EFHD1: variants seen among roughly 807,000 people sequenced by gnomAD.
EFHD1 encodes the protein EF-hand domain-containing protein D1.
A neutral mutation model predicts 17.2 loss-of-function variants in EFHD1; 10 were observed. That is an observed-to-expected ratio of 0.58 (90% CI 0.36 to 0.99). The LOEUF (loss-of-function observed/expected upper bound fraction) is 0.99. Among genes scored for constraint, EFHD1 ranks in the 50% least tolerant of loss-of-function variants. The probability of loss-of-function intolerance (pLI) is 0.01; values close to 1 mark genes in which losing one functional copy is unlikely to be tolerated. For missense variants in EFHD1, 310 were observed against 327.5 expected (o/e 0.95, Z 0.41); for synonymous variants, 153 against 142.0 (o/e 1.08, Z -0.55).
At chr2:232,617,707 A>G (rs1301291916) in intron 1 of EFHD1, among the ~76,000 whole-genome samples, 1 of 150,806 alleles carries the variant, frequency 6.6e-6, no homozygotes, top group African/African-American at 2.4e-5. Flanking sequence ...TCATGCCTGT[A>G]ATCCCAGCAC....
intron 3 of EFHD1, among the ~76,000 whole-genome samples, chr2:232,674,143 G>A (rs576297179): frequency 9.2e-5 from 14 of 152,246 alleles, no homozygotes; most frequent in Middle Eastern, 3.4e-3. Flanking sequence ...TCCTGACCTC[G>A]TGATCTGCCT....
At chr2:232,651,836 A>C (rs1175215404) in intron 1 of EFHD1, among the ~76,000 whole-genome samples, 1 of 130,740 alleles carries the variant, frequency 7.6e-6, no homozygotes, top group East Asian at 2.1e-4. Flanking sequence ...AACAAACAAA[A>C]CAAATACCTA....
upstream of EFHD1, among the ~76,000 whole-genome samples, chr2:232,630,359 C>T (rs1694180963): frequency 6.6e-6 from 1 of 152,206 alleles, no homozygotes; most frequent in African/African-American, 2.4e-5. Context: ...GGAATTGTCA[C>T]TAGTGAGATA....
At chr2:232,609,220 C>T (rs903706326) in intron 1 of EFHD1, among the ~76,000 whole-genome samples, 2 of 151,510 alleles carry the variant, frequency 1.3e-5, no homozygotes, top group Non-Finnish European at 2.9e-5. Context: ...CCACCATGCC[C>T]GGCTAATTTT....
At chr2:232,625,168 G>A (rs778489839) in intron 1 of EFHD1, among the ~76,000 whole-genome samples, 4 of 152,030 alleles carry the variant, frequency 2.6e-5, no homozygotes, top group Non-Finnish European at 5.9e-5. Flanking sequence ...TCACTCTGTC[G>A]CCCAGGCTGG....
intron 1 of EFHD1, among the ~76,000 whole-genome samples, chr2:232,650,481 A>G (rs1694625728): frequency 6.7e-6 from 1 of 148,336 alleles, no homozygotes; most frequent in African/African-American, 2.5e-5. Flanking sequence ...TTTAGTAGAG[A>G]CAGGGTTTCA....
chr2:232,672,327 A>G lies in EFHD1; in HGVS notation c.469A>G (p.Lys157Glu). The change falls in exon 3 of 4, where the codon AAG (lysine) becomes GAG (glutamate). Residue 157 changes from lysine to glutamate, a missense_variant. Coordinates refer to ENST00000264059, the MANE Select transcript of EFHD1 (RefSeq NM_025202.4). The part of the protein sequence containing the change: ...SFREFLLIFH[K>E]AAAGELQEDS... ...CCTGTAGTTCCTGCTCATTTTCCAC[A>G]AGGCCGCGGCAGGGGAGCTGCAGGA... The G allele has an allele frequency of 1.2e-6, 2 of 1,614,128 alleles. No homozygotes were observed. The highest frequency in any genetic ancestry group is 1.7e-6 in the Non-Finnish European group (2 of 1,180,002).
intron 1 of EFHD1, among the ~76,000 whole-genome samples, chr2:232,635,293 C>T (rs1382932899): frequency 6.6e-6 from 1 of 152,230 alleles, no homozygotes; most frequent in Admixed American, 6.5e-5. Flanking sequence ...GCTCCCAGAC[C>T]CCACCAGTTC....
At chr2:232,632,992 AG>A (rs1258288186), upstream of EFHD1, among the ~76,000 whole-genome samples, 1 of 152,202 alleles carries the variant, frequency 6.6e-6, no homozygotes, top group Non-Finnish European at 1.5e-5. Flanking sequence ...TCCTGCCTCT[AG>A]GGAAAACGGG....
chr2:232,655,897 C>G (rs958653416), intron 1 of EFHD1, among the ~76,000 whole-genome samples: 1 of 151,534 alleles, frequency 6.6e-6, no homozygotes, highest in Admixed American at 6.6e-5. Context: ...AGCTCCGCCT[C>G]CTGGGTTCAC....
intron 1 of EFHD1, among the ~76,000 whole-genome samples, chr2:232,646,743 G>A (rs566704060): frequency 2.3e-4 from 35 of 152,230 alleles, no homozygotes; most frequent in Admixed American, 5.2e-4. Flanking sequence ...CACTGTGCCC[G>A]GCCGGTTATT....
At chr2:232,631,286 T>G (rs969557320), upstream of EFHD1, among the ~76,000 whole-genome samples, 3 of 148,018 alleles carry the variant, frequency 2.0e-5, no homozygotes, top group Non-Finnish European at 4.5e-5. Flanking sequence ...CTCTCTTTCT[T>G]TCTCTCTCTC....
intron 3 of EFHD1, among the ~76,000 whole-genome samples, chr2:232,680,859 C>G (rs1240190285): frequency 6.6e-6 from 1 of 150,982 alleles, no homozygotes; most frequent in Non-Finnish European, 1.5e-5. Flanking sequence ...CAGATGGATG[C>G]AATTCCAATA....
chr2:232,627,061 T>C (rs1446796461), intron 1 of EFHD1, among the ~76,000 whole-genome samples: 2 of 115,140 alleles, frequency 1.7e-5, no homozygotes, highest in African/African-American at 6.7e-5. Flanking sequence ...TATATATATA[T>C]ATATTTTTTT....
At chr2:232,642,243 T>TGTG (rs1466142936) in intron 1 of EFHD1, among the ~76,000 whole-genome samples, 1 of 150,258 alleles carries the variant, frequency 6.7e-6, no homozygotes, top group African/African-American at 2.4e-5. Context: ...ATTAGCAGGG[T>TGTG]GTGGTGGTGG....
intron 1 of EFHD1, among the ~76,000 whole-genome samples, chr2:232,659,064 CA>C (rs1322899426): frequency 6.6e-6 from 1 of 152,000 alleles, no homozygotes; most frequent in African/African-American, 2.4e-5. Flanking sequence ...ATCTGTGATT[CA>C]CATACTCTGC....
intron 1 of EFHD1, chr2:232,638,261 G>A (rs955219805): frequency 1.8e-5 from 8 of 448,188 alleles, no homozygotes; most frequent in Admixed American, 1.0e-4. Context: ...AATGAGGGCA[G>A]CCACTTAAAG....
At chr2:232,627,801 T>C (rs1694135522) in intron 1 of EFHD1, among the ~76,000 whole-genome samples, 1 of 152,156 alleles carries the variant, frequency 6.6e-6, no homozygotes, top group African/African-American at 2.4e-5. Flanking sequence ...TGGCTTATTA[T>C]TATATTATTT....
chr2:232,644,793 A>G (rs931489838), intron 1 of EFHD1, among the ~76,000 whole-genome samples: 51 of 132,310 alleles, frequency 3.9e-4, no homozygotes, highest in African/African-American at 1.5e-3. Context: ...CACCTGGCCT[A>G]ATTTTTTTTT....
Sources: gnomAD v4.1 joint callset for allele counts (sites outside exome capture counted in the v4.1 genomes callset) on GRCh38, gnomAD v4.1.1 for gene constraint, MANE v1.5 for transcripts, NCBI Gene and HGNC (gene_info 2026-07-23, HGNC 2026-07-21) for gene names.